Variants in PIGN observed in about 807,000 individuals in gnomAD.
PIGN encodes phosphatidylinositol glycan anchor biosynthesis class N, also known as GPI ethanolamine phosphate transferase 1.
Under a neutral mutation model 125.4 loss-of-function variants are expected in PIGN, and 117 were observed. The observed-to-expected ratio is 0.93, with a 90% CI of 0.80 to 1.09. The LOEUF (loss-of-function observed/expected upper bound fraction) is 1.09, where lower values mean the gene tolerates loss of function less well. PIGN is among the 50% of genes least tolerant of loss of function. The pLI is 0.00. For synonymous variants in PIGN, 392 were observed against 377.8 expected, an observed-to-expected ratio of 1.04 and a Z score of -0.44; for missense variants, 1,075 against 1,094.9, an observed-to-expected ratio of 0.98 and a Z score of 0.26.
chr18:62,053,006 G>A (rs1266645749), intron 30 of PIGN: 2 of 370,752 alleles, frequency 5.4e-6, no homozygotes, highest in Admixed American at 9.1e-5. Context: ...AATTATGAAG[G>A]AAAAAGAACT....
chr18:62,022,681 GA>G (rs1568102708), intron 23 of PIGN, among the ~76,000 whole-genome samples: 1 of 152,030 alleles, frequency 6.6e-6, no homozygotes, highest in Non-Finnish European at 1.5e-5. Context: ...ATAGGAAAAT[GA>G]AAAAATAATG....
chr18:62,179,962 T>C (rs2037659859), intron 1 of PIGN, among the ~76,000 whole-genome samples: 1 of 152,204 alleles, frequency 6.6e-6, no homozygotes, highest in Admixed American at 6.5e-5. Flanking sequence ...TCAAGACCTA[T>C]ATTCTATTAT....
Position 62,084,533 on chromosome 18 carries a change from T to C in PIGN, c.2500A>G (p.Lys834Glu). ...AATAACAAAATAAGAAAACTAACCT[T>C]CCACATCATCAGGGCTCCCATCATA... is the stretch of plus-strand genomic sequence containing the variant. ...PFMMGALMMW[K>E]ILIPFVLVMC... Residue 834 changes from lysine (K) to glutamate (E), a missense_variant and splice_region_variant, in exon 27 of 31, where the codon AAG (lysine) becomes GAG (glutamate). Transcript: ENST00000640252. The C allele has an allele frequency of 6.5e-7, 1 of 1,533,080 alleles. No homozygotes were observed. The highest frequency in any genetic ancestry group is 8.8e-7 in the Non-Finnish European group (1 of 1,132,458). 95.0% of individuals were successfully genotyped at this position (1,533,080 alleles called of 1,614,324 possible). A position where few individuals can be genotyped will look rare whatever the true frequency, so the allele number is the denominator to read the frequency against.
chr18:62,065,459 C>A (rs553076978), intron 30 of PIGN, among the ~76,000 whole-genome samples: 3 of 152,084 alleles, frequency 2.0e-5, no homozygotes, highest in African/African-American at 7.2e-5. Context: ...ACAGGCTTGG[C>A]GGGGCGTGGT....
intron 1 of PIGN, among the ~76,000 whole-genome samples, chr18:62,179,303 G>C (rs1029623025): frequency 1.3e-5 from 2 of 152,078 alleles, no homozygotes; most frequent in African/African-American, 4.8e-5. Flanking sequence ...TCATACTATA[G>C]TTTTTGGTAG....
chr18:62,098,666 C>T (rs1304435399), intron 22 of PIGN, among the ~76,000 whole-genome samples: 1 of 152,142 alleles, frequency 6.6e-6, no homozygotes, highest in Non-Finnish European at 1.5e-5. Flanking sequence ...CATGGTGTAT[C>T]TGTGCCTAAA....
At chr18:62,033,509 T>C (rs1465382277) in intron 23 of PIGN, among the ~76,000 whole-genome samples, 1 of 152,246 alleles carries the variant, frequency 6.6e-6, no homozygotes. Flanking sequence ...GCCTTACACA[T>C]GCTGATGGTT....
intron 11 of PIGN, 27 bp from the exon 12 acceptor site, chr18:62,140,506 G>C (rs1218090688): frequency 1.6e-6 from 2 of 1,229,624 alleles, no homozygotes; most frequent in Non-Finnish European, 2.3e-6. Context: ...TCAATTCTAA[G>C]AAGTCTATGG....
intron 6 of PIGN, among the ~76,000 whole-genome samples, chr18:62,155,429 T>C (rs975580560): frequency 1.5e-4 from 23 of 151,756 alleles, no homozygotes; most frequent in Non-Finnish European, 2.8e-4. Context: ...ATTAGCTGGG[T>C]GTGGTGGTGT....
intron 22 of PIGN, among the ~76,000 whole-genome samples, chr18:62,097,350 A>G (rs539562340): frequency 2.9e-5 from 4 of 136,762 alleles, no homozygotes; most frequent in South Asian, 5.4e-4. Context: ...CCATCAGAGA[A>G]ATGCAAATCA....
chr18:62,059,001 A>C (rs2031933202), intron 30 of PIGN: 1 of 152,080 alleles, frequency 6.6e-6, no homozygotes, highest in Admixed American at 6.6e-5. Context: ...CAGCCTGGGC[A>C]GCAGAGTGAG....
chr18:62,052,852 T>G, intron 30 of PIGN: 1 of 335,710 alleles, frequency 3.0e-6, no homozygotes, highest in Non-Finnish European at 5.4e-6. Flanking sequence ...GGTTGTTCCT[T>G]TCCACATTTA....
intron 30 of PIGN, among the ~76,000 whole-genome samples, chr18:62,067,938 T>A (rs760060918): frequency 1.3e-5 from 2 of 152,198 alleles, no homozygotes; most frequent in African/African-American, 4.8e-5. Flanking sequence ...CACCAGTAAG[T>A]TCTATGCATG....
chr18:62,181,189 A>G (rs2037704134), intron 1 of PIGN, among the ~76,000 whole-genome samples: 1 of 152,192 alleles, frequency 6.6e-6, no homozygotes, highest in Non-Finnish European at 1.5e-5. Flanking sequence ...TAATAATAAA[A>G]AATTGGAAAC....
intron 28 of PIGN, among the ~76,000 whole-genome samples, chr18:62,079,692 C>T (rs149390371): frequency 1.3e-5 from 2 of 150,114 alleles, no homozygotes; most frequent in East Asian, 3.9e-4. Flanking sequence ...GTGAATGAGA[C>T]CTGGTAGATA....
chr18:62,093,754 C>T (rs951557383), intron 23 of PIGN, among the ~76,000 whole-genome samples: 4 of 152,116 alleles, frequency 2.6e-5, no homozygotes, highest in African/African-American at 9.6e-5. Flanking sequence ...CTTTTAAATA[C>T]TCTGTAATTC....
intron 30 of PIGN, among the ~76,000 whole-genome samples, chr18:62,046,887 C>T (rs985304134): frequency 2.6e-5 from 4 of 152,110 alleles, no homozygotes; most frequent in Admixed American, 6.5e-5. Flanking sequence ...AAACGTAAGA[C>T]GACTCCAGGT....
intron 24 of PIGN, 119 bp from the exon 25 acceptor site, chr18:62,088,961 AAATAAAC>A (rs560438401): frequency 1.8e-4 from 111 of 619,666 alleles, no homozygotes; most frequent in African/African-American, 1.2e-3. Context: ...GCTGACAAAA[AAATAAAC>A]AATAAACAAT....
At chr18:62,153,622 A>G (rs2036615951) in intron 7 of PIGN, 1 of 152,212 alleles carries the variant, frequency 6.6e-6, no homozygotes, top group African/African-American at 2.4e-5. Flanking sequence ...ATTTTATTTA[A>G]GTTGAAAGTT....
Sources: allele counts gnomAD v4.1 joint callset (sites outside exome capture counted in the v4.1 genomes callset), GRCh38; gene constraint gnomAD v4.1.1; transcripts MANE v1.5; gene names NCBI Gene and HGNC (gene_info 2026-07-23, HGNC 2026-07-21).